IREB2: variants seen among roughly 807,000 people sequenced by gnomAD.
IREB2 encodes iron-responsive element-binding protein 2.
IREB2 carries 39 observed loss-of-function variants against 118.8 expected under a neutral mutation model. The ratio of observed to expected loss-of-function variants is 0.33; its 90% CI spans 0.25 to 0.43. IREB2 has a LOEUF of 0.43. IREB2 is among the 20% of genes least tolerant of loss of function. The pLI, the probability that IREB2 is intolerant of heterozygous loss-of-function variation, is 1.00. For synonymous variants in IREB2, 372 were observed against 392.2 expected, an observed-to-expected ratio of 0.95 and a Z score of 0.61; for missense variants, 900 against 1,147.3, an observed-to-expected ratio of 0.78 and a Z score of 3.11.
rs544877715 is a variant in IREB2, at chr15:78,496,657, G to A, written c.2596-469G>A. Among the ~76,000 whole-genome samples, 40 of 152,012 alleles carry A rather than the reference G, an allele frequency of 2.6e-4. 2 individuals are homozygous for A. The South Asian group carries it at 7.9e-3, about 30-fold the overall frequency. Reference sequence around the variant, plus strand: ...TTGCCCAGGCTGGTCTCAAACTCCCGGCCTCAAATAATCCTTCTGCCTCAG... The same window carrying A: ...TTGCCCAGGCTGGTCTCAAACTCCCAGCCTCAAATAATCCTTCTGCCTCAG... On this transcript the variant is annotated intron_variant, in intron 20 of 21. Coordinates refer to ENST00000258886, the MANE Select transcript of IREB2 (RefSeq NM_004136.4).
intron 14 of IREB2, 127 bp downstream of exon 14, chr15:78,487,944 C>T: frequency 1.5e-6 from 1 of 668,950 alleles, no homozygotes. Flanking sequence ...CAATAGTAAC[C>T]TGTGAATCTT....
intron 2 of IREB2, among the ~76,000 whole-genome samples, chr15:78,449,042 T>C (rs2656074): frequency 0.77 from 116,717 of 152,108 alleles, 44,996 homozygotes; most frequent in African/African-American, 0.81. Context: ...TTAAATCTGT[T>C]GTGTACAGAT....
intron 1 of IREB2, 87 bp downstream of exon 1, chr15:78,438,443 C>G (rs1595979208): frequency 6.9e-7 from 1 of 1,458,876 alleles, no homozygotes; most frequent in Non-Finnish European, 9.4e-7. Flanking sequence ...CGCCTGGAGT[C>G]GCTCGGCAGG....
At chr15:78,470,661 T>C (rs1300346552) in intron 6 of IREB2, 60 bp downstream of exon 6, 1 of 781,430 alleles carries the variant, frequency 1.3e-6, no homozygotes, top group Non-Finnish European at 2.1e-6. Context: ...TAGGTACAAT[T>C]TTTATATCTT....
At chr15:78,478,929 G>T (rs1329164744) in intron 10 of IREB2, among the ~76,000 whole-genome samples, 1 of 151,962 alleles carries the variant, frequency 6.6e-6, no homozygotes, top group Non-Finnish European at 1.5e-5. Flanking sequence ...CTCAATAAGG[G>T]GTAGCTAATC....
At chr15:78,448,440 G>A (rs928464492) in intron 2 of IREB2, among the ~76,000 whole-genome samples, 2 of 152,060 alleles carry the variant, frequency 1.3e-5, no homozygotes, top group Non-Finnish European at 2.9e-5. Flanking sequence ...CCATCACGCC[G>A]GGCCCAATGG....
intron 10 of IREB2, among the ~76,000 whole-genome samples, chr15:78,480,808 G>T (rs1490803050): frequency 6.6e-6 from 1 of 151,732 alleles, no homozygotes; most frequent in Non-Finnish European, 1.5e-5. Flanking sequence ...AGGAGGTCCA[G>T]ACCATCCTGG....
intron 2 of IREB2, among the ~76,000 whole-genome samples, chr15:78,445,847 C>T (rs2050920342): frequency 2.0e-5 from 3 of 152,104 alleles, no homozygotes; most frequent in South Asian, 2.1e-4. Context: ...TGTAGTGGTT[C>T]GATCATGGCT....
At chr15:78,460,805 C>T (rs1012332410) in intron 2 of IREB2, among the ~76,000 whole-genome samples, 7 of 151,948 alleles carry the variant, frequency 4.6e-5, no homozygotes, top group African/African-American at 1.7e-4. Flanking sequence ...AAGGACTTAA[C>T]TTGGCTACTG....
intron 21 of IREB2, 144 bp from the exon 22 acceptor site, chr15:78,497,889 A>G (rs538632130): frequency 3.7e-6 from 2 of 547,044 alleles, no homozygotes; most frequent in Admixed American, 3.5e-5. Context: ...TCAGGCAATC[A>G]GAATATAAGA....
intron 2 of IREB2, among the ~76,000 whole-genome samples, chr15:78,450,496 A>G (rs914114567): frequency 6.6e-6 from 1 of 152,180 alleles, no homozygotes; most frequent in African/African-American, 2.4e-5. Context: ...GTTGCTGGGT[A>G]GGCAGTAGGC....
At chr15:78,461,589 A>G (rs2051197731) in intron 2 of IREB2, among the ~76,000 whole-genome samples, 2 of 152,198 alleles carry the variant, frequency 1.3e-5, no homozygotes, top group Non-Finnish European at 1.5e-5. Flanking sequence ...ACTAAATTAC[A>G]TATATAGAAC....
At chr15:78,456,557 T>C (rs2141466011) in intron 2 of IREB2, among the ~76,000 whole-genome samples, 1 of 152,082 alleles carries the variant, frequency 6.6e-6, no homozygotes, top group East Asian at 1.9e-4. Flanking sequence ...GCTCAGCTAC[T>C]CTGGAGGCTG....
At chr15:78,482,004 G>A (rs905959443) in intron 10 of IREB2, among the ~76,000 whole-genome samples, 23 of 152,214 alleles carry the variant, frequency 1.5e-4, no homozygotes, top group African/African-American at 5.1e-4. Flanking sequence ...CACTTTGGGA[G>A]GCTGAGGCGG....
Position 78,466,307 on chromosome 15 carries a change from C to T in IREB2, c.447C>T (p.Asp149=). 6.2e-7 allele frequency: 1 copy of T among 1,613,686 alleles called. No homozygotes were observed. Among genetic ancestry groups the T allele is most frequent in the Non-Finnish European group, 8.5e-7 (1 of 1,179,840 alleles). ...ATGCACCAAATCCTGGAGGTGGTGA[C>T]CTGCAGAAAGCAGGAAAGCTCTCTC... The part of the protein sequence containing the change: ...IQNAPNPGGG[D]LQKAGKLSPL... The change falls in exon 5 of 22, where the codon GAC becomes GAT. Residue 149 remains aspartate, a synonymous_variant. Coordinates refer to ENST00000258886, the MANE Select transcript of IREB2 (RefSeq NM_004136.4).
At chr15:78,484,066 A>G (rs565811478) in intron 11 of IREB2, among the ~76,000 whole-genome samples, 18 of 152,120 alleles carry the variant, frequency 1.2e-4, no homozygotes, top group Admixed American at 2.6e-4. Context: ...GATTATAGCC[A>G]TGAGCCACCG....
intron 2 of IREB2, among the ~76,000 whole-genome samples, chr15:78,443,799 A>AC (rs1216887212): frequency 1.3e-5 from 2 of 152,002 alleles, no homozygotes; most frequent in African/African-American, 4.8e-5. Context: ...GGTGTGTGCC[A>AC]CCACATCCGG....
At chr15:78,438,544 C>G (rs2050791945) in intron 1 of IREB2, 188 bp downstream of exon 1, 2 of 634,514 alleles carry the variant, frequency 3.2e-6, no homozygotes, top group Non-Finnish European at 2.8e-6. Context: ...CTGGGGCTCC[C>G]GATCCCCACC....
chr15:78,442,764 G>T (rs749239485), intron 2 of IREB2, among the ~76,000 whole-genome samples: 2 of 152,132 alleles, frequency 1.3e-5, no homozygotes, highest in Non-Finnish European at 2.9e-5. Flanking sequence ...CTTTCTTCCC[G>T]TTCTGTTTTT....
Sources: gnomAD v4.1 joint callset for allele counts (sites outside exome capture counted in the v4.1 genomes callset) on GRCh38, gnomAD v4.1.1 for gene constraint, MANE v1.5 for transcripts, NCBI Gene and HGNC (gene_info 2026-07-23, HGNC 2026-07-21) for gene names.